The following CFAP300 variants were observed in gnomAD, a reference collection of about 807,000 sequenced individuals.
CFAP300 encodes cilia- and flagella-associated protein 300.
Under a neutral mutation model 33.0 loss-of-function variants are expected in CFAP300, and 32 were observed. The observed-to-expected ratio is 0.97, with a 90% CI of 0.73 to 1.30. CFAP300 has a LOEUF of 1.30. Ranked by LOEUF, CFAP300 falls within the 50% of genes most tolerant of loss-of-function variation. The pLI, the probability that CFAP300 is intolerant of heterozygous loss-of-function variation, is 0.00. For missense variants in CFAP300, 356 were observed against 318.1 expected (o/e 1.12, Z -0.90); for synonymous variants, 102 against 106.8 (o/e 0.95, Z 0.28).
chr11:102,067,890 G>A (rs554180969), intron 4 of CFAP300, among the ~76,000 whole-genome samples: 6 of 152,296 alleles, frequency 3.9e-5, no homozygotes, highest in Admixed American at 2.6e-4. Flanking sequence ...CTGGGCAACA[G>A]AGTGAGACCT....
intron 3 of CFAP300, among the ~76,000 whole-genome samples, chr11:102,065,897 A>T (rs914859512): frequency 5.3e-5 from 8 of 152,140 alleles, no homozygotes; most frequent in Admixed American, 2.0e-4. Flanking sequence ...ACATTTTTTT[A>T]AAATGTATTT....
chr11:102,057,198 G>T (rs1435987981), intron 2 of CFAP300, among the ~76,000 whole-genome samples: 1 of 151,512 alleles, frequency 6.6e-6, no homozygotes, highest in Non-Finnish European at 1.5e-5. Flanking sequence ...AATTAGCCGG[G>T]CATGGTGGCA....
At chr11:102,081,534 C>T (rs1234084123) in intron 6 of CFAP300, 2 of 547,392 alleles carry the variant, frequency 3.7e-6, no homozygotes, top group African/African-American at 1.9e-5. Context: ...AAATCTGTGA[C>T]TCAGATAGAG....
chr11:102,062,480 G>C (rs1326209824), intron 3 of CFAP300, among the ~76,000 whole-genome samples: 2 of 152,146 alleles, frequency 1.3e-5, no homozygotes, highest in Non-Finnish European at 2.9e-5. Flanking sequence ...TTGGAAACTG[G>C]GGTAAAGGTG....
At position 102,053,313 on chromosome 11, in the gene CFAP300, A is replaced by T. The variant is rs555153070; in HGVS notation, c.192+5417A>T. 2.0e-5 allele frequency among the ~76,000 whole-genome samples: 3 copies of T among 152,258 alleles called. No homozygotes were observed. The South Asian group carries it at 6.2e-4, about 32-fold the overall frequency. On this transcript the variant is annotated intron_variant, in intron 2 of 6. Transcript: ENST00000434758. ...ACGCCTATAATCCCAGCACTTTGGG[A>T]GGCTGAGGTGGACAGATCACCTGAA...
At chr11:102,055,361 C>CTTTTTTTTTTTTTTTTTTTT (rs561779599) in intron 2 of CFAP300, among the ~76,000 whole-genome samples, 2 of 113,518 alleles carry the variant, frequency 1.8e-5, no homozygotes, top group African/African-American at 7.4e-5. Flanking sequence ...ATGCGTTACT[C>CTTTTTTTTTTTTTTTTTTTT]TTTTTTTTTT....
intron 2 of CFAP300, among the ~76,000 whole-genome samples, chr11:102,052,586 C>G (rs1173402536): frequency 6.6e-6 from 1 of 152,196 alleles, no homozygotes; most frequent in East Asian, 1.9e-4. Flanking sequence ...CTGTGTCTGG[C>G]TTGGCATAAT....
At chr11:102,078,920 G>A (rs902325680) in intron 5 of CFAP300, among the ~76,000 whole-genome samples, 4 of 152,134 alleles carry the variant, frequency 2.6e-5, no homozygotes, top group African/African-American at 9.7e-5. Context: ...ATGTTGGCCA[G>A]GCTGGTCTAG....
chr11:102,047,669 C>G, intron 1 of CFAP300, 89 bp downstream of exon 1: 1 of 1,460,098 alleles, frequency 6.8e-7, no homozygotes, highest in South Asian at 1.2e-5. Context: ...CCGCGCGGGT[C>G]GGCGCCATTC....
chr11:102,053,624 A>C (rs923140921), intron 2 of CFAP300, among the ~76,000 whole-genome samples: 2 of 152,198 alleles, frequency 1.3e-5, no homozygotes, highest in Non-Finnish European at 2.9e-5. Context: ...TCATGCCTAT[A>C]ATCCCAGCTC....
intron 4 of CFAP300, among the ~76,000 whole-genome samples, chr11:102,073,992 ACTTTGTCTCC>A (rs949616644): frequency 2.4e-4 from 36 of 152,186 alleles, no homozygotes; most frequent in African/African-American, 8.4e-4. Flanking sequence ...GGGAACACAT[ACTTTGTCTCC>A]CTTTGTCTCA....
chr11:102,062,445 G>T (rs565679253), intron 3 of CFAP300, among the ~76,000 whole-genome samples: 5 of 152,138 alleles, frequency 3.3e-5, no homozygotes, highest in Non-Finnish European at 7.4e-5. Flanking sequence ...TGGTGATAGC[G>T]CCCAAGGAAA....
chr11:102,053,407 T>A (rs1273984054), intron 2 of CFAP300, among the ~76,000 whole-genome samples: 1 of 151,706 alleles, frequency 6.6e-6, no homozygotes, highest in African/African-American at 2.4e-5. Flanking sequence ...CAAAATTAGC[T>A]GGGCATGGTG....
At chr11:102,057,463 A>G (rs1190249947) in intron 2 of CFAP300, among the ~76,000 whole-genome samples, 1 of 151,392 alleles carries the variant, frequency 6.6e-6, no homozygotes, top group Non-Finnish European at 1.5e-5. Context: ...TTTTTTAATC[A>G]CTAGGATGTC....
At chr11:102,059,916 A>G (rs11225114) in intron 3 of CFAP300, among the ~76,000 whole-genome samples, 81,136 of 150,916 alleles carry the variant, frequency 0.54, 22,628 homozygotes, top group East Asian at 0.76. Context: ...CTCCCCAGTA[A>G]CTGGGATTAC....
chr11:102,047,930 C>T (rs1941909330), intron 2 of CFAP300, 34 bp downstream of exon 2: 1 of 1,603,070 alleles, frequency 6.2e-7, no homozygotes, highest in Non-Finnish European at 8.5e-7. Context: ...CCCTGGGTCT[C>T]TGCGGATTTT....
intron 3 of CFAP300, among the ~76,000 whole-genome samples, chr11:102,059,842 A>C (rs1395397868): frequency 1.4e-5 from 2 of 145,574 alleles, no homozygotes; most frequent in African/African-American, 5.1e-5. Context: ...ACAGTGTCTC[A>C]CTCTGTCACC....
chr11:102,080,647 G>C (rs1350171907), intron 5 of CFAP300, among the ~76,000 whole-genome samples: 3 of 152,052 alleles, frequency 2.0e-5, no homozygotes, highest in Non-Finnish European at 4.4e-5. Flanking sequence ...TGATCTGCCT[G>C]CCTAGGCCTC....
chr11:102,049,148 G>T (rs1172144056), intron 2 of CFAP300, among the ~76,000 whole-genome samples: 1 of 152,230 alleles, frequency 6.6e-6, no homozygotes, highest in Non-Finnish European at 1.5e-5. Flanking sequence ...TAGTTCTGGA[G>T]GCTAGAAGTC....
Sources: gnomAD v4.1 joint callset for allele counts (sites outside exome capture counted in the v4.1 genomes callset) on GRCh38, gnomAD v4.1.1 for gene constraint, MANE v1.5 for transcripts, NCBI Gene and HGNC (gene_info 2026-07-23, HGNC 2026-07-21) for gene names.